The following NQO1 variants were observed in gnomAD, a reference collection of about 807,000 sequenced individuals.
NQO1 encodes NAD(P)H dehydrogenase [quinone] 1.
A neutral mutation model predicts 32.1 loss-of-function variants in NQO1; 30 were observed. The ratio of observed to expected loss-of-function variants is 0.94; its 90% CI spans 0.70 to 1.27. The LOEUF (loss-of-function observed/expected upper bound fraction) is 1.27. NQO1 is among the 50% of genes most tolerant of loss of function. The probability of loss-of-function intolerance (pLI) is 0.00; values close to 1 mark genes in which losing one functional copy is unlikely to be tolerated. For missense variants in NQO1, 276 were observed against 331.3 expected, an observed-to-expected ratio of 0.83 and a Z score of 1.30; for synonymous variants, 109 against 119.7, an observed-to-expected ratio of 0.91 and a Z score of 0.59.
chr16:69,719,155 A>C (rs2038157626), intron 1 of NQO1, among the ~76,000 whole-genome samples: 1 of 152,260 alleles, frequency 6.6e-6, no homozygotes, highest in Non-Finnish European at 1.5e-5. Flanking sequence ...ATTTACCCAC[A>C]AAATGTAAAA....
At chr16:69,711,873 C>T (rs991913873) in intron 5 of NQO1, among the ~76,000 whole-genome samples, 2 of 151,976 alleles carry the variant, frequency 1.3e-5, no homozygotes, top group African/African-American at 2.4e-5. Context: ...AGGCTGGTCT[C>T]GAACTCCTGA....
intron 3 of NQO1, 81 bp from the exon 4 acceptor site, chr16:69,715,158 C>A (rs141419503): frequency 2.1e-6 from 2 of 952,826 alleles, no homozygotes; most frequent in Non-Finnish European, 3.4e-6. Context: ...GAGCCGCTCC[C>A]CATGATGGCA....
At position 69,722,926 on chromosome 16, in the gene NQO1, TTTTG is replaced by T. The variant is rs535013130; in HGVS notation, c.7+3503_7+3506del. Among the ~76,000 whole-genome samples the T allele has an allele frequency of 2.3e-3, 353 of 152,210 alleles. 2 individuals are homozygous for T. Among genetic ancestry groups the T allele is most frequent in the South Asian group, 6.2e-3 (30 of 4,828 alleles). On this transcript the variant is annotated intron_variant, in intron 1 of 5. Transcript: ENST00000320623. ...GTTTACTGATCGCCGCTCTGACAGT[TTTTG>T]TTTGTTTGTTTTTTTGAGACAGAGT... is the stretch of plus-strand genomic sequence containing the variant.
rs2038032409 is a variant in NQO1 at position 69,711,083 on chromosome 16, TC to T, written c.717del (p.Met239IlefsTer40). The T allele has an allele frequency of 3.7e-6, 6 of 1,614,204 alleles. No individual in the cohort carries two copies. The highest frequency in any genetic ancestry group is 5.1e-6 in the Non-Finnish European group (6 of 1,180,036). ...TTCTCCTCATCCTGTACCTCTTTTT[TC>T]ATTAAGAATCCTGCCTGGAAGTTTA... The part of the protein sequence containing the change: ...FDLNFQAGFL[M>X]KKEVQDEEKN... On this transcript the variant is annotated frameshift_variant, in exon 6 of 6. Coordinates refer to ENST00000320623, the MANE Select transcript of NQO1 (RefSeq NM_000903.3). LOFTEE classifies it high-confidence loss of function.
Position 69,718,292 on chromosome 16 carries a change from C to T in NQO1, c.173-39G>A, listed in dbSNP as rs142539199. The T allele has an allele frequency of 5.6e-5, 91 of 1,612,902 alleles. No homozygotes were observed. In the African/African-American group the frequency reaches 1.1e-3, roughly 19 times the overall value. On this transcript the variant is annotated intron_variant, in intron 2 of 5. Transcript: ENST00000320623. ...AAAGAGAGGCTGGGGCCAGAGGGGCCAAAGCTGGGCCAGAGGACCCACAGG... is the reference window on the plus strand; with the variant it reads ...AAAGAGAGGCTGGGGCCAGAGGGGCTAAAGCTGGGCCAGAGGACCCACAGG...
chr16:69,717,907 G>A, intron 3 of NQO1: 1 of 665,134 alleles, frequency 1.5e-6, no homozygotes, highest in Non-Finnish European at 2.4e-6. Context: ...CACCGTGCCT[G>A]GCCTTGCAGT....
chr16:69,712,348 T>G (rs1304364926), intron 5 of NQO1, among the ~76,000 whole-genome samples: 1 of 152,068 alleles, frequency 6.6e-6, no homozygotes, highest in Non-Finnish European at 1.5e-5. Flanking sequence ...AGTAAATCAT[T>G]TCTTAAATTG....
At chr16:69,716,476 A>T (rs2038115240) in intron 3 of NQO1, among the ~76,000 whole-genome samples, 1 of 151,644 alleles carries the variant, frequency 6.6e-6, no homozygotes, top group African/African-American at 2.4e-5. Context: ...TGGGCAACAG[A>T]GCGAGACTCC....
chr16:69,719,267 G>GAC (rs1293784545), intron 1 of NQO1, among the ~76,000 whole-genome samples: 24 of 152,310 alleles, frequency 1.6e-4, no homozygotes, highest in African/African-American at 5.5e-4. Context: ...TAATGAGGCA[G>GAC]AATCTCTTGA....
chr16:69,719,311 C>T (rs2038159944), intron 1 of NQO1, among the ~76,000 whole-genome samples: 1 of 152,176 alleles, frequency 6.6e-6, no homozygotes, highest in South Asian at 2.1e-4. Context: ...TTATCTCGCT[C>T]TCCAATTTGG....
At chr16:69,716,192 AATCATC>A (rs776862080) in intron 3 of NQO1, among the ~76,000 whole-genome samples, 1 of 144,168 alleles carries the variant, frequency 6.9e-6, no homozygotes, top group Non-Finnish European at 1.5e-5. Context: ...TAATAATAAT[AATCATC>A]ATCATCATCA....
intron 3 of NQO1, among the ~76,000 whole-genome samples, chr16:69,717,109 A>T (rs1567632183): frequency 6.6e-6 from 1 of 152,068 alleles, no homozygotes. Context: ...GAGAGAGAAA[A>T]AAAAAACACA....
Position 69,710,675 on chromosome 16 carries a change from T to C in NQO1, c.*301A>G. 3.0e-6 allele frequency: 1 copy of C among 332,662 alleles called. No homozygotes were observed. Among genetic ancestry groups the C allele is most frequent in the South Asian group, 4.1e-5 (1 of 24,462 alleles). 20.6% of individuals were successfully genotyped at this position (332,662 alleles called of 1,614,324 possible). A position where few individuals can be genotyped will look rare whatever the true frequency, so the allele number is the denominator to read the frequency against. ...CTAGCCAAACTGTACCCTAAAACTT[T>C]AGCCCTAAAAAGAGGAATTAAATTG... is the stretch of plus-strand genomic sequence containing the variant. On this transcript the variant is annotated 3_prime_UTR_variant, in exon 6 of 6. Coordinates refer to ENST00000320623, the MANE Select transcript of NQO1 (RefSeq NM_000903.3).
chr16:69,720,941 C>A (rs574371701), intron 1 of NQO1, among the ~76,000 whole-genome samples: 1 of 151,966 alleles, frequency 6.6e-6, no homozygotes, highest in Non-Finnish European at 1.5e-5. Flanking sequence ...AATGCAGTGG[C>A]ATGATCTCAG....
chr16:69,718,190 C>A lies in NQO1; in HGVS notation c.236G>T (p.Gly79Val). The A allele has an allele frequency of 6.2e-7, 1 of 1,614,142 alleles. No individual in the cohort carries two copies. The highest frequency in any genetic ancestry group is 8.5e-7 in the Non-Finnish European group (1 of 1,180,010). The change falls in exon 3 of 6, where the codon GGC becomes GTC. Residue 79 changes from glycine (G) to valine (V), a missense_variant. Gly to Val is a moderately radical substitution (Grantham distance 109). Coordinates refer to ENST00000320623, the MANE Select transcript of NQO1 (RefSeq NM_000903.3). ...PAESVLAYKE[G>V]HLSPDIVAEQ... is the part of the protein sequence containing the mutation. ...AGCCACAATATCTGGGCTCAGATGG[C>A]CTTCTTTATAAGCCAGAACAGACTC... is the stretch of plus-strand genomic sequence containing the variant.
chr16:69,715,111 A>G (rs761569003), intron 3 of NQO1, 34 bp from the exon 4 acceptor site: 11 of 1,551,228 alleles, frequency 7.1e-6, no homozygotes, highest in Non-Finnish European at 9.8e-6. Context: ...AGGTAAGACC[A>G]GGGGCTCCCC....
At chr16:69,718,984 A>C (rs1017939373) in intron 1 of NQO1, among the ~76,000 whole-genome samples, 4 of 151,640 alleles carry the variant, frequency 2.6e-5, no homozygotes, top group Non-Finnish European at 5.9e-5. Context: ...GCAGTGAGCC[A>C]AGATTGCACC....
chr16:69,713,179 G>C (rs1424345749), intron 4 of NQO1, 50 bp from the exon 5 acceptor site: 1 of 1,367,738 alleles, frequency 7.3e-7, no homozygotes, highest in Non-Finnish European at 1.0e-6. Context: ...ACATCCCCTT[G>C]GTGACAAGAA....
At position 69,711,283 on chromosome 16, in the gene NQO1, T is replaced by G. The variant is rs773925276; in HGVS notation, c.520-2A>C. On this transcript the variant is annotated splice_acceptor_variant, in intron 5 of 5. Coordinates refer to ENST00000320623, the MANE Select transcript of NQO1 (RefSeq NM_000903.3). LOFTEE classifies it high-confidence loss of function. ...GCCACAGAAATGCAGAATGCCACTC[T>G]GAGGATACAGAAAGCACAGAGAGGT... 6.2e-7 allele frequency: 1 copy of G among 1,604,346 alleles called. No individual in the cohort carries two copies. Among genetic ancestry groups the G allele is most frequent in the Non-Finnish European group, 8.5e-7 (1 of 1,173,126 alleles).
Sources: gnomAD v4.1 joint callset for allele counts (sites outside exome capture counted in the v4.1 genomes callset) on GRCh38, gnomAD v4.1.1 for gene constraint, MANE v1.5 for transcripts, NCBI Gene and HGNC (gene_info 2026-07-23, HGNC 2026-07-21) for gene names.